The following EYS variants were observed in gnomAD, a reference collection of about 807,000 sequenced individuals.
EYS encodes protein eyes shut homolog.
Under a neutral mutation model 282.1 loss-of-function variants are expected in EYS, and 250 were observed. The observed-to-expected ratio is 0.89, with a 90% CI of 0.80 to 0.98. EYS has a LOEUF of 0.98. Among genes scored for constraint, EYS ranks in the 50% least tolerant of loss-of-function variants. EYS has a pLI of 0.00. For synonymous variants in EYS, 1,355 were observed against 1,282.9 expected, an observed-to-expected ratio of 1.06 and a Z score of -1.20; for missense variants, 4,016 against 3,709.0, an observed-to-expected ratio of 1.08 and a Z score of -2.15.
chr6:65,270,685 A>C (rs576109288), intron 12 of EYS, among the ~76,000 whole-genome samples: 1 of 152,240 alleles, frequency 6.6e-6, no homozygotes, highest in African/African-American at 2.4e-5. Context: ...TTTGCTGAGA[A>C]GTTTCTTCAA....
At chr6:64,107,818 A>T (rs1773082515) in intron 31 of EYS, among the ~76,000 whole-genome samples, 1 of 151,842 alleles carries the variant, frequency 6.6e-6, no homozygotes, top group South Asian at 2.1e-4. Context: ...GGGTGAGGGG[A>T]AGAGTTCTAT....
At chr6:63,726,759 T>A in intron 41 of EYS, 79 bp from the exon 42 acceptor site, 1 of 1,266,208 alleles carries the variant, frequency 7.9e-7, no homozygotes, top group South Asian at 1.4e-5. Context: ...AATAAACTGC[T>A]TATGTAATTT....
rs181695535 is a variant in EYS, at chr6:64,905,507, C to G, written c.2642-3007G>C. Reference sequence around the variant, plus strand: ...TGTCTTGATCCTTTTCTTACACTGTCTCGTCTGTGTATGGCTATAACAAAT... The same window carrying G: ...TGTCTTGATCCTTTTCTTACACTGTGTCGTCTGTGTATGGCTATAACAAAT... On this transcript the variant is annotated intron_variant, in intron 16 of 42. Coordinates refer to ENST00000503581, the MANE Select transcript of EYS (RefSeq NM_001142800.2). 2.2e-4 allele frequency among the ~76,000 whole-genome samples: 33 copies of G among 152,244 alleles called. No individual in the cohort carries two copies. The East Asian group carries it at 6.2e-3, about 29-fold the overall frequency.
chr6:65,078,301 A>G (rs192991913), intron 12 of EYS, among the ~76,000 whole-genome samples: 14 of 152,266 alleles, frequency 9.2e-5, no homozygotes, highest in African/African-American at 2.9e-4. Flanking sequence ...AAGTATGATC[A>G]GAAATATTAC....
At chr6:65,496,109 A>G (rs1468984258) in intron 2 of EYS, 116 bp from the exon 3 acceptor site, 1 of 152,190 alleles carries the variant, frequency 6.6e-6, no homozygotes, top group Non-Finnish European at 1.5e-5. Flanking sequence ...ATGATAATCC[A>G]GAGGATGGGA....
chr6:65,152,429 G>T (rs2150216068), intron 12 of EYS, among the ~76,000 whole-genome samples: 1 of 151,974 alleles, frequency 6.6e-6, no homozygotes, highest in South Asian at 2.1e-4. Flanking sequence ...ACAACAGTTG[G>T]CCCTAATCCA....
rs1461364490 is a variant in EYS, at chr6:65,381,715, A to G, written c.1299+2671T>C. 3.3e-5 allele frequency among the ~76,000 whole-genome samples: 5 copies of G among 152,188 alleles called. No individual in the cohort carries two copies. The South Asian group carries it at 6.2e-4, about 19-fold the overall frequency. The stretch of plus-strand genomic sequence containing the variant: ...TTATTTTCATTTATATCTAAAGATT[A>G]TCTATACAATATATTTTCTAATTTT... On this transcript the variant is annotated intron_variant, in intron 8 of 42. Coordinates refer to ENST00000503581, the MANE Select transcript of EYS (RefSeq NM_001142800.2).
intron 41 of EYS, among the ~76,000 whole-genome samples, chr6:63,727,316 ATAGCT>A (rs1561997292): frequency 6.6e-6 from 1 of 152,060 alleles, no homozygotes; most frequent in East Asian, 1.9e-4. Context: ...GGTTCAGGAC[ATAGCT>A]TAGCCATTAA....
intron 12 of EYS, among the ~76,000 whole-genome samples, chr6:65,087,942 T>G (rs1313150263): frequency 6.6e-6 from 1 of 152,118 alleles, no homozygotes; most frequent in Non-Finnish European, 1.5e-5. Flanking sequence ...CCCCATGCCG[T>G]TCTCGTGATT....
chr6:65,519,706 A>T (rs866575657), intron 2 of EYS, among the ~76,000 whole-genome samples: 1,330 of 36,478 alleles, frequency 0.036, 98 homozygotes, highest in African/African-American at 0.16. Context: ...ATATATATAT[A>T]TATTTTTTTT....
chr6:65,499,819 G>T (rs992859301), intron 2 of EYS, among the ~76,000 whole-genome samples: 2 of 151,808 alleles, frequency 1.3e-5, no homozygotes, highest in Non-Finnish European at 2.9e-5. Context: ...AGAGACAGCA[G>T]ATTTATTCAT....
intron 5 of EYS, among the ~76,000 whole-genome samples, chr6:65,466,291 G>A (rs1196516870): frequency 6.6e-6 from 1 of 151,750 alleles, no homozygotes; most frequent in African/African-American, 2.4e-5. Flanking sequence ...TTTTATTAAG[G>A]GATTCAGTTA....
At chr6:65,263,295 C>G (rs1041306512) in intron 12 of EYS, among the ~76,000 whole-genome samples, 3 of 151,836 alleles carry the variant, frequency 2.0e-5, no homozygotes, top group African/African-American at 7.3e-5. Flanking sequence ...GAGCTATGAT[C>G]GTGCCAATGT....
chr6:63,843,288 G>A (rs1259935264), intron 36 of EYS, among the ~76,000 whole-genome samples: 1 of 152,140 alleles, frequency 6.6e-6, no homozygotes, highest in African/African-American at 2.4e-5. Context: ...TCCTTGAGCA[G>A]TAGTTTGTAG....
chr6:64,152,354 A>T (rs1180645744), intron 31 of EYS, among the ~76,000 whole-genome samples: 1 of 152,220 alleles, frequency 6.6e-6, no homozygotes, highest in Non-Finnish European at 1.5e-5. Flanking sequence ...ATGAATAGCA[A>T]AGAGAGACTC....
At chr6:64,295,834 G>A (rs979911126) in intron 30 of EYS, among the ~76,000 whole-genome samples, 38 of 152,024 alleles carry the variant, frequency 2.5e-4, no homozygotes, top group Non-Finnish European at 4.9e-4. Context: ...AGAATTTTGG[G>A]TAAGTCATCC....
intron 33 of EYS, among the ~76,000 whole-genome samples, chr6:64,060,845 A>G (rs1338667579): frequency 6.6e-6 from 1 of 152,198 alleles, no homozygotes; most frequent in African/African-American, 2.4e-5. Flanking sequence ...TTTAGCAAAT[A>G]CTAATAAGGG....
intron 31 of EYS, among the ~76,000 whole-genome samples, chr6:64,082,909 C>G (rs1772021112): frequency 1.4e-5 from 2 of 139,386 alleles, no homozygotes; most frequent in African/African-American, 5.1e-5. Flanking sequence ...GAAAATGCAA[C>G]TTCTTTTTTT....
intron 29 of EYS, among the ~76,000 whole-genome samples, chr6:64,333,930 C>A (rs891884935): frequency 3.3e-5 from 5 of 152,182 alleles, no homozygotes; most frequent in Non-Finnish European, 5.9e-5. Context: ...AGAATTGATG[C>A]CGCAAGACAA....
Sources: gnomAD v4.1 joint callset for allele counts (sites outside exome capture counted in the v4.1 genomes callset) on GRCh38, gnomAD v4.1.1 for gene constraint, MANE v1.5 for transcripts, NCBI Gene and HGNC (gene_info 2026-07-23, HGNC 2026-07-21) for gene names.